RBFOX2: variants seen among roughly 807,000 people sequenced by gnomAD.
RBFOX2 encodes RNA binding fox-1 homolog 2, also known as RNA binding protein fox-1 homolog 2.
A neutral mutation model predicts 49.1 loss-of-function variants in RBFOX2; 10 were observed. The ratio of observed to expected loss-of-function variants is 0.20; its 90% CI spans 0.13 to 0.35. RBFOX2 has a LOEUF of 0.35. Ranked by LOEUF, RBFOX2 falls within the 10% of genes least tolerant of loss-of-function variation. The pLI is 1.00. For missense variants in RBFOX2, 323 were observed against 486.9 expected, an observed-to-expected ratio of 0.66 and a Z score of 3.17; for synonymous variants, 183 against 187.4, an observed-to-expected ratio of 0.98 and a Z score of 0.19.
At position 35,958,102 on chromosome 22, in the gene RBFOX2, C is replaced by CA. The variant is rs374928310; in HGVS notation, c.42+3460dup. On this transcript the variant is annotated intron_variant, in intron 1 of 5. Transcript: ENST00000408983. The stretch of plus-strand genomic sequence containing the variant: ...TAAATTTAAATTAACAATTCTACCC[C>CA]AAAAAAAGTCATTATAGACAAAATA... 7.4e-3 allele frequency among the ~76,000 whole-genome samples: 1,127 copies of CA among 152,032 alleles called. 12 individuals are homozygous for CA. The highest frequency in any genetic ancestry group is 0.026 in the African/African-American group (1,074 of 41,482).
At chr22:36,013,258 G>C (rs1347587863) in intron 1 of RBFOX2, among the ~76,000 whole-genome samples, 1 of 152,040 alleles carries the variant, frequency 6.6e-6, no homozygotes, top group East Asian at 1.9e-4. Context: ...GGGTGACAGA[G>C]TGAGACCCTC....
chr22:35,826,895 C>G (rs1569292042), intron 1 of RBFOX2, among the ~76,000 whole-genome samples: 1 of 152,152 alleles, frequency 6.6e-6, no homozygotes, highest in Non-Finnish European at 1.5e-5. Context: ...CGCTCTCTCT[C>G]AAAATACCAT....
intron 1 of RBFOX2, chr22:35,998,465 C>G (rs2058279338): frequency 6.6e-6 from 1 of 152,226 alleles, no homozygotes; most frequent in Non-Finnish European, 1.5e-5. Context: ...CAACCTCTGC[C>G]TCCCGTGTTC....
At chr22:35,949,063 A>G (rs1278256353) in intron 1 of RBFOX2, among the ~76,000 whole-genome samples, 4 of 152,184 alleles carry the variant, frequency 2.6e-5, no homozygotes, top group Non-Finnish European at 5.9e-5. Flanking sequence ...TAGTCAAACA[A>G]TATTTATTTG....
intron 4 of RBFOX2, among the ~76,000 whole-genome samples, chr22:35,776,697 C>T (rs1602551959): frequency 6.6e-6 from 1 of 152,130 alleles, no homozygotes; most frequent in East Asian, 1.9e-4. Flanking sequence ...TTTCAAAGTT[C>T]AGCAGAGATG....
At chr22:35,962,858 A>T (rs1287856030), upstream of RBFOX2, among the ~76,000 whole-genome samples, 6 of 152,108 alleles carry the variant, frequency 3.9e-5, no homozygotes, top group Admixed American at 2.6e-4. Context: ...ATAGCTGAGC[A>T]CTGAATCAAC....
chr22:35,887,910 A>G (rs1435559963), intron 1 of RBFOX2, among the ~76,000 whole-genome samples: 1 of 152,028 alleles, frequency 6.6e-6, no homozygotes, highest in Non-Finnish European at 1.5e-5. Flanking sequence ...TAGTAGTTTG[A>G]CCCCTGTGGC....
At chr22:35,874,687 A>C (rs890510724) in intron 1 of RBFOX2, among the ~76,000 whole-genome samples, 1 of 152,228 alleles carries the variant, frequency 6.6e-6, no homozygotes, top group Admixed American at 6.5e-5. Context: ...TGGCCTAATG[A>C]GGTTAAGTAA....
chr22:35,804,740 T>TAA (rs564015595), intron 2 of RBFOX2, among the ~76,000 whole-genome samples: 1 of 150,476 alleles, frequency 6.6e-6, no homozygotes, highest in Non-Finnish European at 1.5e-5. Context: ...CCAGCAGGCC[T>TAA]AAAAAAAAAT....
At chr22:35,808,770 G>T (rs570890449) in intron 2 of RBFOX2, among the ~76,000 whole-genome samples, 1 of 152,102 alleles carries the variant, frequency 6.6e-6, no homozygotes, top group Admixed American at 6.5e-5. Context: ...GATCACTTGA[G>T]CCCAGGAGAC....
intron 1 of RBFOX2, among the ~76,000 whole-genome samples, chr22:35,863,389 C>A (rs2043313154): frequency 6.6e-6 from 1 of 152,176 alleles, no homozygotes; most frequent in South Asian, 2.1e-4. Context: ...AAGCAGGCAA[C>A]ATGTTCTCTC....
In RBFOX2 at chr22:35,753,327, T is replaced by C. The variant is rs189078827; in HGVS notation, c.887+6561A>G. Among the ~76,000 whole-genome samples the C allele has an allele frequency of 1.1e-3, 160 of 152,334 alleles. 1 individual carries two copies. The highest frequency in any genetic ancestry group is 9.0e-3 in the Admixed American group (138 of 15,304). ...TGTGTGTTTTTGAAGAAGTATCCTT[T>C]GCTCCCTCACATGTGGAATACAGAA... On this transcript the variant is annotated intron_variant, in intron 9 of 11. Transcript: ENST00000405409.
intron 1 of RBFOX2, among the ~76,000 whole-genome samples, chr22:35,863,910 GCATGCATATATA>G (rs1477772963): frequency 3.3e-5 from 5 of 152,164 alleles, no homozygotes; most frequent in African/African-American, 7.2e-5. Flanking sequence ...TTCGGGCAAA[GCATGCATATATA>G]CAATTACTCC....
exon 12 of RBFOX2, chr22:35,741,539 CTTGCA>C (rs1280901920): frequency 2.0e-5 from 3 of 152,572 alleles, no homozygotes; most frequent in African/African-American, 7.2e-5. Context: ...AATCCAGATG[CTTGCA>C]AGAGCCCCAA....
chr22:35,955,800 G>A (rs763511184), intron 1 of RBFOX2, among the ~76,000 whole-genome samples: 1 of 152,166 alleles, frequency 6.6e-6, no homozygotes, highest in Non-Finnish European at 1.5e-5. Context: ...CCTGGGGATT[G>A]GAGATGGAAT....
At chr22:35,820,596 T>C (rs956545565) in intron 1 of RBFOX2, among the ~76,000 whole-genome samples, 1 of 152,232 alleles carries the variant, frequency 6.6e-6, no homozygotes, top group Non-Finnish European at 1.5e-5. Flanking sequence ...TGCTTACATA[T>C]GTATTGTCTT....
At chr22:35,773,430 T>C (rs940747127) in intron 4 of RBFOX2, among the ~76,000 whole-genome samples, 1 of 152,070 alleles carries the variant, frequency 6.6e-6, no homozygotes, top group Non-Finnish European at 1.5e-5. Context: ...CTAGAATAAT[T>C]AGAATGTTCC....
intron 1 of RBFOX2, among the ~76,000 whole-genome samples, chr22:35,968,659 T>C (rs1415973396): frequency 5.3e-5 from 8 of 152,210 alleles, no homozygotes; most frequent in Non-Finnish European, 1.0e-4. Flanking sequence ...ACAGGAACCA[T>C]AATTTCCCAT....
intron 1 of RBFOX2, among the ~76,000 whole-genome samples, chr22:35,818,611 C>A (rs1479892949): frequency 6.6e-6 from 1 of 152,040 alleles, no homozygotes; most frequent in Non-Finnish European, 1.5e-5. Flanking sequence ...TAGCGAGACC[C>A]TATCTCTACA....
Sources: gnomAD v4.1 joint callset for allele counts (sites outside exome capture counted in the v4.1 genomes callset) on GRCh38, gnomAD v4.1.1 for gene constraint, MANE v1.5 for transcripts, NCBI Gene and HGNC (gene_info 2026-07-23, HGNC 2026-07-21) for gene names.